ALOX5: variants seen among roughly 807,000 people sequenced by gnomAD.
ALOX5 encodes polyunsaturated fatty acid 5-lipoxygenase.
A neutral mutation model predicts 87.9 loss-of-function variants in ALOX5; 64 were observed. The ratio of observed to expected loss-of-function variants is 0.73; its 90% CI spans 0.60 to 0.90. ALOX5 has a LOEUF of 0.90. Among genes scored for constraint, ALOX5 ranks in the 40% least tolerant of loss-of-function variants. The probability of loss-of-function intolerance (pLI) is 0.00; values close to 1 mark genes in which losing one functional copy is unlikely to be tolerated. For missense variants in ALOX5, 822 were observed against 907.5 expected, an observed-to-expected ratio of 0.91 and a Z score of 1.21; for synonymous variants, 388 against 355.1, an observed-to-expected ratio of 1.09 and a Z score of -1.04.
rs1479940151 is a variant in ALOX5 at position 45,440,512 on chromosome 10, T to C, written c.1064T>C (p.Val355Ala). 1 of 1,614,220 alleles carries C rather than the reference T, an allele frequency of 6.2e-7. No individual in the cohort carries two copies. The highest frequency in any genetic ancestry group is 1.1e-5 in the South Asian group (1 of 91,080). Residue 355 changes from valine to alanine, a missense_variant, in exon 8 of 14, where the codon GTG (valine) becomes GCG (alanine). Val to Ala is a moderately conservative substitution (Grantham distance 64). Coordinates refer to ENST00000374391, the MANE Select transcript of ALOX5 (RefSeq NM_000698.5). ...KYDWLLAKIW[V>A]RSSDFHVHQT... ...GACTGGCTTTTGGCCAAAATCTGGG[T>C]GCGTTCCAGTGACTTCCACGTCCAC...
intron 2 of ALOX5, among the ~76,000 whole-genome samples, chr10:45,385,008 G>C (rs894334186): frequency 5.9e-5 from 9 of 152,118 alleles, no homozygotes; most frequent in African/African-American, 1.7e-4. Flanking sequence ...CACCAAGCCT[G>C]GCTAATTTTT....
intron 2 of ALOX5, among the ~76,000 whole-genome samples, chr10:45,390,118 A>T (rs1291155564): frequency 6.6e-6 from 1 of 152,240 alleles, no homozygotes; most frequent in Non-Finnish European, 1.5e-5. Context: ...TGGTAAAGGG[A>T]TCAATTCAAC....
At chr10:45,378,326 G>A (rs1190853951) in intron 1 of ALOX5, among the ~76,000 whole-genome samples, 1 of 152,208 alleles carries the variant, frequency 6.6e-6, no homozygotes, top group African/African-American at 2.4e-5. Context: ...AACTGTGGGA[G>A]GAACCTGGGC....
intron 3 of ALOX5, among the ~76,000 whole-genome samples, chr10:45,399,930 C>G (rs889767695): frequency 1.3e-5 from 2 of 152,116 alleles, no homozygotes. Flanking sequence ...AATTTCAAAT[C>G]AAAACCACAA....
chr10:45,434,830 A>G (rs908807440), intron 7 of ALOX5, among the ~76,000 whole-genome samples: 5 of 152,222 alleles, frequency 3.3e-5, no homozygotes, highest in Admixed American at 6.5e-5. Context: ...ATAAATGTGC[A>G]CACATGCAAA....
Position 45,374,300 on chromosome 10 carries a change from C to T in ALOX5, c.21C>T (p.Thr7=), listed in dbSNP as rs4987105. Residue 7 remains threonine (T), a synonymous_variant, in exon 1 of 14, where the codon ACC becomes ACT. Transcript: ENST00000374391. Reference sequence around the variant, plus strand: ...GCGCCATGCCCTCCTACACGGTCACCGTGGCCACTGGCAGCCAGTGGTTCG... The same window carrying T: ...GCGCCATGCCCTCCTACACGGTCACTGTGGCCACTGGCAGCCAGTGGTTCG... MPSYTV[T]VATGSQWFAG... 241,600 of 1,509,264 alleles carry T rather than the reference C, an allele frequency of 0.16. 20,054 individuals carry two copies. Among genetic ancestry groups the T allele is most frequent in the South Asian group, 0.19 (15,038 of 80,032 alleles). 93.5% of individuals were successfully genotyped at this position (1,509,264 alleles called of 1,614,324 possible).
chr10:45,402,659 T>C (rs1294399795), intron 3 of ALOX5, among the ~76,000 whole-genome samples: 1 of 152,160 alleles, frequency 6.6e-6, no homozygotes, highest in Admixed American at 6.5e-5. Context: ...TCAGAACATA[T>C]TAAACACAAA....
intron 1 of ALOX5, among the ~76,000 whole-genome samples, chr10:45,377,734 C>T (rs1839675573): frequency 6.6e-6 from 1 of 152,138 alleles, no homozygotes. Context: ...GGGTGGGGCA[C>T]ACATCCTTGC....
intron 4 of ALOX5, among the ~76,000 whole-genome samples, chr10:45,416,361 T>C (rs1841290413): frequency 6.6e-6 from 1 of 152,056 alleles, no homozygotes; most frequent in Non-Finnish European, 1.5e-5. Flanking sequence ...ACAATTGGGG[T>C]CTACTGGAGA....
chr10:45,424,489 A>G (rs936433561), intron 5 of ALOX5, among the ~76,000 whole-genome samples: 1 of 152,216 alleles, frequency 6.6e-6, no homozygotes, highest in African/African-American at 2.4e-5. Context: ...CTTGTGTTTT[A>G]GGTATTTACA....
chr10:45,385,980 ATTG>A (rs1839992931), intron 2 of ALOX5, among the ~76,000 whole-genome samples: 1 of 151,996 alleles, frequency 6.6e-6, no homozygotes, highest in East Asian at 1.9e-4. Flanking sequence ...AGGCGGGAGG[ATTG>A]TTTGAGTCTA....
At chr10:45,424,019 T>C in intron 4 of ALOX5, 22 bp from the exon 5 acceptor site, 1 of 1,592,646 alleles carries the variant, frequency 6.3e-7, no homozygotes, top group South Asian at 1.1e-5. Flanking sequence ...GTGCGCAAGG[T>C]GACCTCTCTC....
chr10:45,386,291 ACT>A (rs774883374), intron 2 of ALOX5, among the ~76,000 whole-genome samples: 5 of 144,374 alleles, frequency 3.5e-5, no homozygotes, highest in Non-Finnish European at 4.5e-5. Flanking sequence ...ACAGAGCAAG[ACT>A]CTGTCTCAAA....
At chr10:45,380,343 A>T (rs183747187) in intron 1 of ALOX5, among the ~76,000 whole-genome samples, 28 of 152,348 alleles carry the variant, frequency 1.8e-4, no homozygotes, top group Admixed American at 1.4e-3. Flanking sequence ...TCTGGCCTAG[A>T]CTACAGAGCA....
In ALOX5 at chr10:45,444,267, G is replaced by A. The variant is rs909739044; in HGVS notation, c.1826G>A (p.Ser609Asn). The A allele has an allele frequency of 1.9e-6, 3 of 1,554,354 alleles. No homozygotes were observed. The highest frequency in any genetic ancestry group is 2.6e-6 in the Non-Finnish European group (3 of 1,148,992). Residue 609 changes from serine to asparagine, a missense_variant, in exon 13 of 14, where the codon AGC (serine) becomes AAC (asparagine). By Grantham distance (46) the Ser-to-Asn change is conservative. Coordinates refer to ENST00000374391, the MANE Select transcript of ALOX5 (RefSeq NM_000698.5). ...CATCTGGGTGCAGTGTGGGCGCTGA[G>A]CCAGTTCCAGGAAAACGAGGTGAAG... is the stretch of plus-strand genomic sequence containing the variant. ...CWHLGAVWAL[S>N]QFQENELFLG... is the part of the protein sequence containing the mutation.
At position 45,409,511 on chromosome 10, in the gene ALOX5, C is replaced by CTG. The variant is rs199910802; in HGVS notation, c.432-2679_432-2678insGT. On this transcript the variant is annotated intron_variant, in intron 3 of 13. Transcript: ENST00000374391. ...CCTTAGGATCTCTCTGTCTGTCTGT[C>CTG]TCTCTCTCTCTCTCTCTCTCTCTGT... 4.3e-3 allele frequency among the ~76,000 whole-genome samples: 630 copies of CTG among 145,194 alleles called. 8 individuals are homozygous for CTG. The highest frequency in any genetic ancestry group is 5.8e-3 in the Non-Finnish European group (380 of 66,000).
chr10:45,401,080 TAA>T (rs1238651850), intron 3 of ALOX5, among the ~76,000 whole-genome samples: 3 of 152,182 alleles, frequency 2.0e-5, no homozygotes, highest in Non-Finnish European at 4.4e-5. Context: ...GACTTATGAG[TAA>T]ACAGAGATAT....
chr10:45,376,137 C>A (rs1049289491), intron 1 of ALOX5, among the ~76,000 whole-genome samples: 1 of 152,214 alleles, frequency 6.6e-6, no homozygotes, highest in Non-Finnish European at 1.5e-5. Context: ...GTGGCCATAG[C>A]GGGCTCTTCG....
chr10:45,428,257 C>T (rs965032485), intron 6 of ALOX5: 21 of 275,134 alleles, frequency 7.6e-5, no homozygotes, highest in Admixed American at 4.9e-4. Context: ...GTGTAGAGTC[C>T]GGCAGCATCA....
Sources: allele counts gnomAD v4.1 joint callset (sites outside exome capture counted in the v4.1 genomes callset), GRCh38; gene constraint gnomAD v4.1.1; transcripts MANE v1.5; gene names NCBI Gene and HGNC (gene_info 2026-07-23, HGNC 2026-07-21).